Variants in NMNAT2 observed in about 807,000 individuals in gnomAD.
The protein encoded by NMNAT2 is nicotinamide nucleotide adenylyltransferase 2, also known as nicotinamide/nicotinic acid mononucleotide adenylyltransferase 2.
NMNAT2 carries 11 observed loss-of-function variants against 41.6 expected under a neutral mutation model. The observed-to-expected ratio is 0.26, with a 90% CI of 0.17 to 0.44. NMNAT2 has a LOEUF of 0.44. Among genes scored for constraint, NMNAT2 ranks in the 20% least tolerant of loss-of-function variants. NMNAT2 has a pLI of 1.00. For missense variants in NMNAT2, 288 were observed against 407.7 expected, an observed-to-expected ratio of 0.71 and a Z score of 2.53; for synonymous variants, 148 against 151.2, an observed-to-expected ratio of 0.98 and a Z score of 0.16.
chr1:183,406,385 TGGATCTCGA>T (rs964099911), intron 1 of NMNAT2, among the ~76,000 whole-genome samples: 1 of 152,188 alleles, frequency 6.6e-6, no homozygotes, highest in African/African-American at 2.4e-5. Flanking sequence ...ACTTGCTGCA[TGGATCTCGA>T]GGAAAAGAAC....
chr1:183,285,241 G>C (rs770520819), intron 5 of NMNAT2, among the ~76,000 whole-genome samples: 1 of 152,124 alleles, frequency 6.6e-6, no homozygotes, highest in Non-Finnish European at 1.5e-5. Flanking sequence ...AGGGCATATA[G>C]GCTGCTGGCT....
intron 8 of NMNAT2, among the ~76,000 whole-genome samples, chr1:183,268,845 C>G (rs1165945201): frequency 6.6e-6 from 1 of 152,182 alleles, no homozygotes. Flanking sequence ...AGTTCCAGAC[C>G]AGCCTGGGCA....
chr1:183,394,200 A>G (rs1648566909), intron 1 of NMNAT2, among the ~76,000 whole-genome samples: 1 of 152,210 alleles, frequency 6.6e-6, no homozygotes, highest in Non-Finnish European at 1.5e-5. Flanking sequence ...TGATGCTACA[A>G]ATTGTATTAT....
At chr1:183,346,455 T>G (rs762641944) in intron 1 of NMNAT2, among the ~76,000 whole-genome samples, 12 of 152,192 alleles carry the variant, frequency 7.9e-5, no homozygotes, top group Admixed American at 7.9e-4. Flanking sequence ...GGGACTGAGC[T>G]TCTGCACGAG....
intron 7 of NMNAT2, 112 bp from the exon 8 acceptor site, chr1:183,278,741 G>T: frequency 1.3e-6 from 1 of 758,546 alleles, no homozygotes; most frequent in Non-Finnish European, 2.3e-6. Context: ...TTGGGGATGT[G>T]GGGCCCAGTT....
intron 10 of NMNAT2, among the ~76,000 whole-genome samples, chr1:183,254,127 G>A (rs1469661355): frequency 1.3e-5 from 2 of 152,106 alleles, no homozygotes; most frequent in African/African-American, 2.4e-5. Flanking sequence ...TGGGTCATAT[G>A]ACAGTTCCGT....
intron 1 of NMNAT2, among the ~76,000 whole-genome samples, chr1:183,303,468 T>C (rs1160109854): frequency 1.3e-5 from 2 of 152,208 alleles, no homozygotes; most frequent in Non-Finnish European, 2.9e-5. Flanking sequence ...TCAGAGTCAT[T>C]AAGCAGTTTT....
chr1:183,326,377 A>C (rs1662463978), intron 1 of NMNAT2, among the ~76,000 whole-genome samples: 1 of 4,460 alleles, frequency 2.2e-4, no homozygotes, highest in African/African-American at 2.3e-3. Flanking sequence ...CTCCATCTCA[A>C]AAAAAAAAAA....
intron 8 of NMNAT2, among the ~76,000 whole-genome samples, chr1:183,275,812 A>G (rs973221135): frequency 4.6e-5 from 7 of 152,226 alleles, no homozygotes; most frequent in Admixed American, 6.5e-5. Context: ...AGCTGGGACT[A>G]CAGGAGCCCG....
At chr1:183,411,413 C>T (rs1649112950) in intron 1 of NMNAT2, among the ~76,000 whole-genome samples, 1 of 152,148 alleles carries the variant, frequency 6.6e-6, no homozygotes, top group African/African-American at 2.4e-5. Flanking sequence ...CTCTGACCGT[C>T]CCACCTCAGC....
intron 1 of NMNAT2, among the ~76,000 whole-genome samples, chr1:183,411,099 C>T (rs1035207912): frequency 2.0e-5 from 3 of 152,148 alleles, no homozygotes; most frequent in African/African-American, 4.8e-5. Flanking sequence ...TCTAATGGCC[C>T]ATCTACCATG....
intron 1 of NMNAT2, among the ~76,000 whole-genome samples, chr1:183,309,009 A>C (rs1662053467): frequency 1.3e-5 from 2 of 152,144 alleles, no homozygotes. Flanking sequence ...ATTTTATTCA[A>C]AGCCTTTGGA....
rs568013742 is a variant in NMNAT2, at chr1:183,255,797, C to T, written c.822-3054G>A. ...TCCTACCTCGGCCTCCCGAGTAGCT[C>T]GGATTACAGGCACAAGCCACAATGC... On this transcript the variant is annotated intron_variant, in intron 10 of 10. Coordinates refer to ENST00000287713, the MANE Select transcript of NMNAT2 (RefSeq NM_015039.4). Among the ~76,000 whole-genome samples the T allele has an allele frequency of 2.8e-4, 42 of 151,598 alleles. No homozygotes were observed. The South Asian group carries it at 5.4e-3, about 20-fold the overall frequency.
At chr1:183,321,806 T>G (rs1007780275) in intron 1 of NMNAT2, among the ~76,000 whole-genome samples, 21 of 151,394 alleles carry the variant, frequency 1.4e-4, no homozygotes, top group Non-Finnish European at 2.2e-4. Flanking sequence ...AGATTTTTGG[T>G]TTTTGTTTTG....
intron 8 of NMNAT2, among the ~76,000 whole-genome samples, chr1:183,271,177 T>C (rs1660978353): frequency 6.6e-6 from 1 of 152,238 alleles, no homozygotes; most frequent in African/African-American, 2.4e-5. Flanking sequence ...TGACTCTTGC[T>C]CATTTGAAAT....
chr1:183,291,383 C>G (rs1210651711), intron 3 of NMNAT2, among the ~76,000 whole-genome samples: 1 of 152,180 alleles, frequency 6.6e-6, no homozygotes, highest in Non-Finnish European at 1.5e-5. Flanking sequence ...CCCCTAGATC[C>G]CTAGCCAGGC....
intron 1 of NMNAT2, among the ~76,000 whole-genome samples, chr1:183,369,134 A>G (rs1258014843): frequency 6.6e-6 from 1 of 152,196 alleles, no homozygotes; most frequent in Non-Finnish European, 1.5e-5. Context: ...GTTGGAGCAT[A>G]GAAGAGCTCA....
intron 8 of NMNAT2, among the ~76,000 whole-genome samples, chr1:183,269,355 A>G (rs1351409365): frequency 6.6e-6 from 1 of 152,252 alleles, no homozygotes; most frequent in Non-Finnish European, 1.5e-5. Flanking sequence ...AAGAAATGCC[A>G]TTAGAGTATT....
chr1:183,314,218 C>T (rs1291798486), intron 1 of NMNAT2, among the ~76,000 whole-genome samples: 2 of 152,148 alleles, frequency 1.3e-5, no homozygotes, highest in African/African-American at 2.4e-5. Context: ...TAAATCTGAG[C>T]CCTACAGCTC....
Sources: allele counts gnomAD v4.1 joint callset (sites outside exome capture counted in the v4.1 genomes callset), GRCh38; gene constraint gnomAD v4.1.1; transcripts MANE v1.5; gene names NCBI Gene and HGNC (gene_info 2026-07-23, HGNC 2026-07-21).